FBXO4: variants seen among roughly 807,000 people sequenced by gnomAD.
The protein encoded by FBXO4 is F-box protein 4.
In FBXO4, 36 loss-of-function variants were observed where a neutral mutation model predicts 43.7. The ratio of observed to expected loss-of-function variants is 0.82; its 90% CI spans 0.63 to 1.09. The LOEUF (loss-of-function observed/expected upper bound fraction) is 1.09. Ranked by LOEUF, FBXO4 falls within the 50% of genes least tolerant of loss-of-function variation. The pLI is 0.00. For missense variants in FBXO4, 435 were observed against 474.1 expected, an observed-to-expected ratio of 0.92 and a Z score of 0.77; for synonymous variants, 180 against 165.6, an observed-to-expected ratio of 1.09 and a Z score of -0.67.
chr5:41,926,852 G>T (rs1751520120), intron 1 of FBXO4, among the ~76,000 whole-genome samples, 161 bp from the exon 2 acceptor site: 1 of 152,198 alleles, frequency 6.6e-6, no homozygotes, highest in African/African-American at 2.4e-5. Flanking sequence ...ATCCTTTGCT[G>T]ATAGCAGGAA....
rs1751619334 is a variant in FBXO4, at chr5:41,929,713, C to G, written c.442C>G (p.Pro148Ala). ...DYMAVYRMCC[P>A]YTRRASKSSR... is the part of the protein sequence containing the mutation. Reference sequence around the variant, plus strand: ...TTTTTACAGCTATAGAATGTGCTGTCCATACACAAGAAGAGCTTCAAAATC... The same window carrying G: ...TTTTTACAGCTATAGAATGTGCTGTGCATACACAAGAAGAGCTTCAAAATC... Residue 148 changes from proline to alanine, a missense_variant, in exon 3 of 7, where the codon CCA becomes GCA. Coordinates refer to ENST00000281623, the MANE Select transcript of FBXO4 (RefSeq NM_012176.3). 2 of 1,609,502 alleles carry G rather than the reference C, an allele frequency of 1.2e-6. No homozygotes were observed. The highest frequency in any genetic ancestry group is 2.2e-5 in the South Asian group (2 of 90,104).
intron 2 of FBXO4, 122 bp downstream of exon 2, chr5:41,927,370 C>G (rs1228171845): frequency 4.4e-6 from 3 of 680,454 alleles, no homozygotes; most frequent in Middle Eastern, 3.6e-4. Flanking sequence ...TCTAATTGTT[C>G]TCGTCAAAAC....
chr5:42,034,795 C>T, the FBXO4 span, among the ~76,000 whole-genome samples: 36 of 152,112 alleles, frequency 2.4e-4, no homozygotes, highest in Non-Finnish European at 1.5e-4. Flanking sequence ...AGTCAGGTAA[C>T]ACGATGCCTC....
the FBXO4 span, among the ~76,000 whole-genome samples, chr5:42,032,493 C>A: frequency 6.6e-6 from 1 of 152,144 alleles, no homozygotes; most frequent in African/African-American, 2.4e-5. Flanking sequence ...GGCAGAGAAG[C>A]CTTACCTCTT....
At chr5:41,941,795 G>T, downstream of FBXO4, 1 of 152,528 alleles carries the variant, frequency 6.6e-6, no homozygotes, top group Admixed American at 6.5e-5. Flanking sequence ...CTTTTATTAT[G>T]AAACAGTAGA....
At chr5:41,950,066 A>G in the FBXO4 span, among the ~76,000 whole-genome samples, 1 of 152,238 alleles carries the variant, frequency 6.6e-6, no homozygotes, top group Admixed American at 6.5e-5. Context: ...AAATTAACTC[A>G]AGATGGATTA....
chr5:41,976,091 G>T, the FBXO4 span, among the ~76,000 whole-genome samples: 1 of 152,062 alleles, frequency 6.6e-6, no homozygotes, highest in African/African-American at 2.4e-5. Context: ...CATCACCAGG[G>T]GACAGTGCTA....
At chr5:41,999,482 T>TATATATATACATATATATACAC in the FBXO4 span, among the ~76,000 whole-genome samples, 18 of 10,090 alleles carry the variant, frequency 1.8e-3, no homozygotes, top group South Asian at 0.04. Flanking sequence ...TATATACACA[T>TATATATATACATATATATACAC]ATATATATAT....
In FBXO4 at chr5:41,925,341, A is replaced by C; in HGVS notation, c.32A>C (p.Asn11Thr). The change falls in exon 1 of 7, where the codon AAC becomes ACC. Residue 11 changes from asparagine (N) to threonine (T), a missense_variant. By Grantham distance (65) the Asn-to-Thr change is moderately conservative. Transcript: ENST00000281623. Reference sequence around the variant, plus strand: ...GGAAGCGAGCCGCGCAGCGGAACAAACTCGCCGCCGCCGCCCTTCAGCGAC... The same window carrying C: ...GGAAGCGAGCCGCGCAGCGGAACAACCTCGCCGCCGCCGCCCTTCAGCGAC... MAGSEPRSGT[N>T]SPPPPFSDWG... 7.3e-7 allele frequency: 1 copy of C among 1,363,216 alleles called. No individual in the cohort carries two copies. Among genetic ancestry groups the C allele is most frequent in the Non-Finnish European group, 9.5e-7 (1 of 1,054,026 alleles). The allele number at this position is 1,363,216 out of a possible 1,614,324, so 84.4% of individuals were successfully genotyped here.
intron 2 of FBXO4, among the ~76,000 whole-genome samples, chr5:41,928,039 AT>A (rs201750206): frequency 7.9e-5 from 12 of 151,884 alleles, no homozygotes; most frequent in South Asian, 4.2e-4. Flanking sequence ...AAAATACAGA[AT>A]TTTTTTTTCA....
the FBXO4 span, among the ~76,000 whole-genome samples, chr5:42,009,111 G>C: frequency 2.0e-5 from 3 of 152,190 alleles, no homozygotes; most frequent in Non-Finnish European, 4.4e-5. Flanking sequence ...AAGGGCAACA[G>C]AGGCAGTGCT....
At chr5:42,021,245 T>TG in the FBXO4 span, among the ~76,000 whole-genome samples, 3 of 152,090 alleles carry the variant, frequency 2.0e-5, no homozygotes, top group African/African-American at 7.2e-5. Flanking sequence ...TAGCAACCAG[T>TG]AGTGGCTTGG....
chr5:42,019,732 T>C, the FBXO4 span, among the ~76,000 whole-genome samples: 2 of 151,076 alleles, frequency 1.3e-5, no homozygotes, highest in African/African-American at 2.4e-5. Flanking sequence ...AAAAAGAAAA[T>C]GTAAAGTTAC....
the FBXO4 span, among the ~76,000 whole-genome samples, chr5:42,038,269 A>G: frequency 6.6e-6 from 1 of 152,118 alleles, no homozygotes; most frequent in Admixed American, 6.6e-5. Context: ...AATTAAAAAT[A>G]TTAAAGTGGA....
chr5:41,992,351 A>C, the FBXO4 span, among the ~76,000 whole-genome samples: 1 of 152,186 alleles, frequency 6.6e-6, no homozygotes, highest in African/African-American at 2.4e-5. Context: ...GGATCAGAGG[A>C]CTTTGGTGCT....
At chr5:41,925,823 G>GAAA (rs1751474867) in intron 1 of FBXO4, among the ~76,000 whole-genome samples, 1 of 152,216 alleles carries the variant, frequency 6.6e-6, no homozygotes, top group African/African-American at 2.4e-5. Flanking sequence ...TCCGGTTACG[G>GAAA]AAATGAGACA....
chr5:41,991,639 A>C, the FBXO4 span, among the ~76,000 whole-genome samples: 3 of 152,192 alleles, frequency 2.0e-5, no homozygotes, highest in East Asian at 5.8e-4. Flanking sequence ...CCACTATTGT[A>C]AAATTTTTTG....
Position 41,925,518 on chromosome 5 carries a change from C to A in FBXO4, c.189+20C>A. 7.7e-7 allele frequency: 1 copy of A among 1,302,990 alleles called. No homozygotes were observed. The highest frequency in any genetic ancestry group is 2.3e-5 in the South Asian group (1 of 43,716). 80.7% of individuals were successfully genotyped at this position (1,302,990 alleles called of 1,614,324 possible). ...CTGCCGGTGAGCGTCGGCCGCAGGCCGCGGAGGACAGTGGGGCCGGCCCGG... is the reference window on the plus strand; with the variant it reads ...CTGCCGGTGAGCGTCGGCCGCAGGCAGCGGAGGACAGTGGGGCCGGCCCGG... On this transcript the variant is annotated intron_variant, in intron 1 of 6. Coordinates refer to ENST00000281623, the MANE Select transcript of FBXO4 (RefSeq NM_012176.3).
chr5:42,001,720 C>T, the FBXO4 span, among the ~76,000 whole-genome samples: 7 of 152,270 alleles, frequency 4.6e-5, no homozygotes, highest in East Asian at 1.3e-3. Flanking sequence ...GAGACGGAGT[C>T]TCACTCTGTC....
Sources: allele counts gnomAD v4.1 joint callset (sites outside exome capture counted in the v4.1 genomes callset), GRCh38; gene constraint gnomAD v4.1.1; transcripts MANE v1.5; gene names NCBI Gene and HGNC (gene_info 2026-07-23, HGNC 2026-07-21).